The following LYPD1 variants were observed in gnomAD, a reference collection of about 807,000 sequenced individuals.
LYPD1 encodes the protein LY6/PLAUR domain containing 1.
Under a neutral mutation model 14.2 loss-of-function variants are expected in LYPD1, and 14 were observed. The ratio of observed to expected loss-of-function variants is 0.99; its 90% confidence interval spans 0.65 to 1.54. The LOEUF (loss-of-function observed/expected upper bound fraction) is 1.54. Among genes scored for constraint, LYPD1 ranks in the 40% most tolerant of loss-of-function variants. The pLI, the probability that LYPD1 is intolerant of heterozygous loss-of-function variation, is 0.00. For synonymous variants in LYPD1, 85 were observed against 70.6 expected (o/e 1.20, Z -1.02); for missense variants, 165 against 175.7 (o/e 0.94, Z 0.34).
chr2:132,658,828 CT>C (rs1237342856), intron 2 of LYPD1, among the ~76,000 whole-genome samples: 1 of 152,152 alleles, frequency 6.6e-6, no homozygotes, highest in Non-Finnish European at 1.5e-5. Context: ...GGGGATTTTC[CT>C]TCTTCCCAAG....
chr2:132,651,539 C>CA (rs1334349822), intron 2 of LYPD1, among the ~76,000 whole-genome samples: 1 of 152,184 alleles, frequency 6.6e-6, no homozygotes, highest in African/African-American at 2.4e-5. Context: ...ATCTATAATT[C>CA]AAAATGCAAC....
At position 132,670,133 on chromosome 2, in the gene LYPD1, G is replaced by T; in HGVS notation, c.-201C>A. 1 of 1,400,446 alleles carries T rather than the reference G, an allele frequency of 7.1e-7. No individual in the cohort carries two copies. Among genetic ancestry groups the T allele is most frequent in the East Asian group, 2.9e-5 (1 of 34,396 alleles). 86.8% of individuals were successfully genotyped at this position (1,400,446 alleles called of 1,614,324 possible). On this transcript the variant is annotated 5_prime_UTR_variant, in exon 1 of 3. Coordinates refer to ENST00000397463, the MANE Select transcript of LYPD1 (RefSeq NM_144586.7). The surrounding 1 kb of genome is among the most constrained non-coding windows in gnomAD (Gnocchi z 4.5). Reference sequence around the variant, plus strand: ...CGCCCGCGCTCGGGCTCCCGGCTGCGGGTCTCTGCTCCTCCCGCTCGCGCT... The same window carrying T: ...CGCCCGCGCTCGGGCTCCCGGCTGCTGGTCTCTGCTCCTCCCGCTCGCGCT...
intron 2 of LYPD1, among the ~76,000 whole-genome samples, chr2:132,661,976 C>G (rs1682974294): frequency 6.7e-6 from 1 of 149,470 alleles, no homozygotes; most frequent in Non-Finnish European, 1.5e-5. Flanking sequence ...GTGAAAGGTA[C>G]TTGAATTCCT....
chr2:132,645,814 T>TTTCACTCCACCTCCTTCCTTC lies in LYPD1; in HGVS notation c.*210_*230dup, dbSNP rs1682038818. The TTTCACTCCACCTCCTTCCTTC allele has an allele frequency of 1.4e-6, 1 of 711,526 alleles. No individual in the cohort carries two copies. The highest frequency in any genetic ancestry group is 2.3e-6 in the Non-Finnish European group (1 of 443,238). 44.1% of individuals were successfully genotyped at this position (711,526 alleles called of 1,614,324 possible). ...CGGTTACACAGACATGGGGGTGAAC[T>TTTCACTCCACCTCCTTCCTTC]TTCACTCCACCTCCTTCCTTCAAGT... On this transcript the variant is annotated 3_prime_UTR_variant, in exon 3 of 3. Transcript: ENST00000397463.
At chr2:132,650,730 A>AC (rs1213127129) in intron 2 of LYPD1, among the ~76,000 whole-genome samples, 7 of 54,890 alleles carry the variant, frequency 1.3e-4, no homozygotes, top group African/African-American at 2.7e-4. Flanking sequence ...AAAAAAAACA[A>AC]AAAACAAAAA....
intron 2 of LYPD1, among the ~76,000 whole-genome samples, chr2:132,655,721 A>T (rs890752099): frequency 2.0e-5 from 3 of 151,842 alleles, no homozygotes; most frequent in African/African-American, 7.3e-5. Context: ...TCATCGTGTT[A>T]GCCAGGATGG....
chr2:132,671,072 A>T (rs1573774698), upstream of LYPD1: 1 of 151,586 alleles, frequency 6.6e-6, no homozygotes, highest in African/African-American at 2.4e-5. Context: ...ATTAGCACAT[A>T]CTCCCACGTC....
rs1682057304 is a variant in LYPD1 at position 132,646,082 on chromosome 2, A to C, written c.389T>G (p.Leu130Arg). The C allele has an allele frequency of 6.3e-7, 1 of 1,599,880 alleles. No individual in the cohort carries two copies. Among genetic ancestry groups the C allele is most frequent in the East Asian group, 2.3e-5 (1 of 44,210 alleles). ...ALRPGLRTTI[L>R]FLKLALFSAH... ...CGAGAAGAGGGCTAATTTGAGGAAC[A>C]GGATGGTGGTGCGGAGCCCTGGCCT... Residue 130 changes from leucine (L) to arginine (R), a missense_variant, in exon 3 of 3, where the codon CTG becomes CGG. Physicochemically the swap from Leu to Arg is moderately radical, Grantham distance 102 (BLOSUM62 -2). Transcript: ENST00000397463.
In LYPD1 at chr2:132,643,838, A is replaced by G. The variant is rs572665885; in HGVS notation, c.*2207T>C. Among the ~76,000 whole-genome samples the G allele has an allele frequency of 6.6e-6, 1 of 152,312 alleles. No individual in the cohort carries two copies. Among genetic ancestry groups the G allele is most frequent in the Admixed American group, 6.5e-5 (1 of 15,308 alleles). ...TCTGGCCCCCATTTATTAATAGAAT[A>G]TTTACCATGGGTCATAGGCAGGAAG... On this transcript the variant is annotated 3_prime_UTR_variant, in exon 3 of 3. Coordinates refer to ENST00000397463, the MANE Select transcript of LYPD1 (RefSeq NM_144586.7).
At chr2:132,662,083 T>G (rs1296545337) in intron 2 of LYPD1, among the ~76,000 whole-genome samples, 2 of 152,224 alleles carry the variant, frequency 1.3e-5, no homozygotes, top group African/African-American at 4.8e-5. Context: ...AAATTAACTA[T>G]GAGGATACTA....
chr2:132,667,139 G>T (rs1683319046), intron 2 of LYPD1: 1 of 152,128 alleles, frequency 6.6e-6, no homozygotes, highest in Non-Finnish European at 1.5e-5. Flanking sequence ...AGTTTGTTTT[G>T]TTTTGCATCA....
At position 132,644,525 on chromosome 2, in the gene LYPD1, A is replaced by G. The variant is rs936835712; in HGVS notation, c.*1520T>C. ...GCATACCTAGTATGTATATGTCCAA[A>G]AAACATTCTTGGCGACAGGCTATTC... On this transcript the variant is annotated 3_prime_UTR_variant, in exon 3 of 3. Transcript: ENST00000397463. Among the ~76,000 whole-genome samples, 1 of 152,244 alleles carries G rather than the reference A, an allele frequency of 6.6e-6. No homozygotes were observed. Among genetic ancestry groups the G allele is most frequent in the Non-Finnish European group, 1.5e-5 (1 of 68,042 alleles).
At chr2:132,666,610 T>C (rs562668224) in intron 2 of LYPD1, 2 of 152,282 alleles carry the variant, frequency 1.3e-5, no homozygotes, top group African/African-American at 4.8e-5. Context: ...ACACTTGAAG[T>C]CTGTGCTGAA....
intron 2 of LYPD1, among the ~76,000 whole-genome samples, chr2:132,661,414 G>A (rs1222191140): frequency 1.3e-5 from 2 of 151,758 alleles, no homozygotes; most frequent in Admixed American, 6.5e-5. Context: ...TAATTGGCCA[G>A]TGGAGTTCTA....
rs1176187453 is a variant in LYPD1, at chr2:132,669,883, G to A, written c.50C>T (p.Pro17Leu). Residue 17 changes from proline to leucine, a missense_variant and splice_region_variant, in exon 1 of 3, where the codon CCA becomes CTA. Coordinates refer to ENST00000397463, the MANE Select transcript of LYPD1 (RefSeq NM_144586.7). The surrounding 1 kb of genome is among the most constrained non-coding windows in gnomAD (Gnocchi z 4.3). Reference sequence around the variant, plus strand: ...TGCTGGCCTCTGGGTATTCTCACCTGGAAGCAAGAACAATCCGCAAAAAGT... The same window carrying A: ...TGCTGGCCTCTGGGTATTCTCACCTAGAAGCAAGAACAATCCGCAAAAAGT... Reference protein sequence around the residue: ...AATFCGLFLLPGFALQIQCYQ... With the variant: ...AATFCGLFLLLGFALQIQCYQ... The A allele has an allele frequency of 6.2e-7, 1 of 1,612,782 alleles. No individual in the cohort carries two copies.
In LYPD1 at chr2:132,646,018, C is replaced by T; in HGVS notation, c.*27G>A. Reference sequence around the variant, plus strand: ...GGGGGCGAGGGCTGGAAGAACAATGCAGGAGGGGGTGGCATCTCCTTCAGC... The same window carrying T: ...GGGGGCGAGGGCTGGAAGAACAATGTAGGAGGGGGTGGCATCTCCTTCAGC... On this transcript the variant is annotated 3_prime_UTR_variant, in exon 3 of 3. Coordinates refer to ENST00000397463, the MANE Select transcript of LYPD1 (RefSeq NM_144586.7). 6.7e-7 allele frequency: 1 copy of T among 1,490,928 alleles called. No individual in the cohort carries two copies. The highest frequency in any genetic ancestry group is 9.0e-7 in the Non-Finnish European group (1 of 1,107,194). The allele number at this position is 1,490,928 out of a possible 1,614,324, so 92.4% of individuals were successfully genotyped here.
rs758254362 is a variant in LYPD1 at position 132,645,124 on chromosome 2, G to T, written c.*921C>A. On this transcript the variant is annotated 3_prime_UTR_variant, in exon 3 of 3. Transcript: ENST00000397463. The stretch of plus-strand genomic sequence containing the variant: ...AGGGCTGATTGTTGTGACATTGGCC[G>T]TATGCTGGATGCCCAACCAGATTCG... 1.9e-6 allele frequency: 3 copies of T among 1,613,360 alleles called. No homozygotes were observed. The highest frequency in any genetic ancestry group is 2.5e-6 in the Non-Finnish European group (3 of 1,179,708).
At chr2:132,654,002 C>T (rs11290604) in intron 2 of LYPD1, among the ~76,000 whole-genome samples, 99,783 of 151,440 alleles carry the variant, frequency 0.66, 34,101 homozygotes, top group African/African-American at 0.85. Context: ...TGAAATGCAA[C>T]GTGGGATCCT....
rs756039430 is a variant in LYPD1 at position 132,669,967 on chromosome 2, G to A, written c.-35C>T. On this transcript the variant is annotated 5_prime_UTR_variant, in exon 1 of 3. Transcript: ENST00000397463. The surrounding 1 kb of genome is among the most constrained non-coding windows in gnomAD (Gnocchi z 4.3). ...GTCCCGGGGCCGGGAGAGGGCAAGC[G>A]CATCAGAGGAGGCGACAGCAGCGGA... The A allele has an allele frequency of 6.2e-6, 10 of 1,608,032 alleles. No homozygotes were observed. The highest frequency in any genetic ancestry group is 1.7e-5 in the Admixed American group (1 of 59,724).
Sources: allele counts gnomAD v4.1 joint callset (sites outside exome capture counted in the v4.1 genomes callset), GRCh38; gene constraint gnomAD v4.1.1; non-coding constraint Gnocchi (gnomAD v3.1); transcripts MANE v1.5; gene names NCBI Gene and HGNC (gene_info 2026-07-23, HGNC 2026-07-21).